The following CD38 variants were observed in gnomAD, a reference collection of about 807,000 sequenced individuals.
The protein encoded by CD38 is CD38 molecule, also known as ADP-ribosyl cyclase/cyclic ADP-ribose hydrolase 1.
In CD38, 31 loss-of-function variants were observed where a neutral mutation model predicts 36.3. That is an observed-to-expected ratio of 0.85 (90% CI 0.64 to 1.15). The LOEUF (loss-of-function observed/expected upper bound fraction) is 1.15. CD38 is among the 50% of genes most tolerant of loss of function. The probability of loss-of-function intolerance (pLI) is 0.00; values close to 1 mark genes in which losing one functional copy is unlikely to be tolerated. For missense variants in CD38, 380 were observed against 371.9 expected, an observed-to-expected ratio of 1.02 and a Z score of -0.18; for synonymous variants, 131 against 135.2, an observed-to-expected ratio of 0.97 and a Z score of 0.22.
chr4:15,791,181 T>C (rs1268584523), intron 1 of CD38, among the ~76,000 whole-genome samples: 4 of 74,780 alleles, frequency 5.3e-5, no homozygotes, highest in East Asian at 3.7e-4. Flanking sequence ...GGTGGGGGGG[T>C]CAGCCCCCCG....
chr4:15,804,970 C>T (rs1383666081), intron 1 of CD38, among the ~76,000 whole-genome samples: 1 of 152,078 alleles, frequency 6.6e-6, no homozygotes, highest in African/African-American at 2.4e-5. Flanking sequence ...ATGGATATGC[C>T]AATTACACAG....
chr4:15,806,851 C>T (rs187224320), intron 1 of CD38, among the ~76,000 whole-genome samples: 6 of 152,124 alleles, frequency 3.9e-5, no homozygotes, highest in Admixed American at 1.3e-4. Flanking sequence ...GCTAACAGAT[C>T]GAGGCTTCTC....
chr4:15,841,182 T>C (rs1410136305), intron 7 of CD38, among the ~76,000 whole-genome samples: 1 of 152,226 alleles, frequency 6.6e-6, no homozygotes, highest in Admixed American at 6.5e-5. Flanking sequence ...TTTTAAGCAG[T>C]TGTGACCAAT....
rs925812235 is a variant in CD38 at position 15,850,373 on chromosome 4, A to C, written c.*1771A>C. The C allele has an allele frequency of 6.6e-6, 1 of 152,232 alleles. No individual in the cohort carries two copies. The highest frequency in any genetic ancestry group is 2.4e-5 in the African/African-American group (1 of 41,470). 9.4% of individuals were successfully genotyped at this position (152,232 alleles called of 1,614,324 possible). On this transcript the variant is annotated 3_prime_UTR_variant, in exon 8 of 8. Coordinates refer to ENST00000226279, the MANE Select transcript of CD38 (RefSeq NM_001775.4). ...TAATAAATTAATTTGAGACTCCTTC[A>C]GGGAATGACCACAATTTATTGAAAA...
At chr4:15,804,950 C>G (rs1016455600) in intron 1 of CD38, among the ~76,000 whole-genome samples, 1 of 152,014 alleles carries the variant, frequency 6.6e-6, no homozygotes, top group Admixed American at 6.6e-5. Flanking sequence ...AATGATAAAC[C>G]TTTGAGATAA....
rs1448599689 is a variant in CD38, at chr4:15,850,344, G to C, written c.*1742G>C. ...AAATAAACCATATGTGTTGAACAAA[G>C]GATTAATAAATTAATTTGAGACTCC... On this transcript the variant is annotated 3_prime_UTR_variant, in exon 8 of 8. Coordinates refer to ENST00000226279, the MANE Select transcript of CD38 (RefSeq NM_001775.4). The C allele has an allele frequency of 6.6e-6, 1 of 152,060 alleles. No individual in the cohort carries two copies. The highest frequency in any genetic ancestry group is 1.5e-5 in the Non-Finnish European group (1 of 68,010). The allele number at this position is 152,060 out of a possible 1,614,324, so 9.4% of individuals were successfully genotyped here. A position where few individuals can be genotyped will look rare whatever the true frequency, so the allele number is the denominator to read the frequency against.
At chr4:15,831,887 C>G (rs867760750) in intron 3 of CD38, among the ~76,000 whole-genome samples, 3 of 152,172 alleles carry the variant, frequency 2.0e-5, no homozygotes, top group Non-Finnish European at 2.9e-5. Context: ...ACCTGTATCT[C>G]TTTTTCTACC....
chr4:15,802,602 G>A (rs548329947), intron 1 of CD38, among the ~76,000 whole-genome samples: 2 of 150,550 alleles, frequency 1.3e-5, no homozygotes, highest in Admixed American at 6.7e-5. Flanking sequence ...TGTCACACAG[G>A]TTGGAGTGCA....
At chr4:15,794,726 T>A (rs1307399707) in intron 1 of CD38, among the ~76,000 whole-genome samples, 1 of 152,140 alleles carries the variant, frequency 6.6e-6, no homozygotes, top group Non-Finnish European at 1.5e-5. Flanking sequence ...GAAATACAAG[T>A]GAAGTAGTGG....
intron 2 of CD38, among the ~76,000 whole-genome samples, chr4:15,822,718 T>C (rs1413999382): frequency 1.3e-5 from 2 of 152,298 alleles, no homozygotes; most frequent in East Asian, 3.9e-4. Context: ...TCCTTCCTCA[T>C]GGATAGGAAG....
At chr4:15,785,947 A>C (rs531230685) in intron 1 of CD38, among the ~76,000 whole-genome samples, 1 of 152,248 alleles carries the variant, frequency 6.6e-6, no homozygotes, top group African/African-American at 2.4e-5. Flanking sequence ...TTCAGGAGTG[A>C]AGCTGCAGAC....
chr4:15,815,050 C>G (rs1443304275), intron 1 of CD38, among the ~76,000 whole-genome samples: 2 of 152,138 alleles, frequency 1.3e-5, no homozygotes, highest in Non-Finnish European at 2.9e-5. Context: ...CATGATCTGC[C>G]TGCCTCAGCC....
chr4:15,824,078 A>G (rs1226071238), intron 2 of CD38, among the ~76,000 whole-genome samples: 2 of 152,152 alleles, frequency 1.3e-5, no homozygotes, highest in Non-Finnish European at 2.9e-5. Context: ...GTTCTCACTT[A>G]TAAGTGGGAG....
intron 1 of CD38, among the ~76,000 whole-genome samples, chr4:15,794,219 G>A (rs1426481112): frequency 6.6e-6 from 1 of 152,234 alleles, no homozygotes; most frequent in African/African-American, 2.4e-5. Context: ...ACTTGCCTAA[G>A]CAAGTGGATG....
At chr4:15,826,497 A>T (rs557802978) in intron 3 of CD38, among the ~76,000 whole-genome samples, 1 of 149,444 alleles carries the variant, frequency 6.7e-6, no homozygotes, top group African/African-American at 2.5e-5. Context: ...ACACACACAC[A>T]CCTGCATACT....
At chr4:15,819,993 A>T (rs539401254) in intron 2 of CD38, among the ~76,000 whole-genome samples, 55 of 152,190 alleles carry the variant, frequency 3.6e-4, no homozygotes, top group Admixed American at 9.2e-4. Flanking sequence ...CTAACAGCAG[A>T]CCTCTCAGCA....
rs746526073 is a variant in CD38 at position 15,840,050 on chromosome 4, T to C, written c.684T>C (p.His228=). The C allele has an allele frequency of 2.5e-6, 4 of 1,613,662 alleles. No homozygotes were observed. In the African/African-American group the frequency reaches 5.3e-5, roughly 22 times the overall value. The change falls in exon 6 of 8, where the codon CAT becomes CAC. Residue 228 remains histidine (H), a synonymous_variant. Transcript: ENST00000226279. ...KNSTFGSVEV[H]NLQPEKVQTL... is the part of the protein sequence containing the mutation. ...GCACTTTTGGGAGTGTGGAAGTCCA[T>C]AATTTGCAACCAGAGAAGGTTCAGA...
At chr4:15,819,637 G>T (rs1483194779) in intron 2 of CD38, among the ~76,000 whole-genome samples, 2 of 152,054 alleles carry the variant, frequency 1.3e-5, no homozygotes, top group African/African-American at 4.8e-5. Flanking sequence ...CCAAACAGAA[G>T]AAAGGATATC....
intron 1 of CD38, among the ~76,000 whole-genome samples, chr4:15,811,547 A>AGCCT (rs1723470602): frequency 6.6e-6 from 1 of 151,858 alleles, no homozygotes. Flanking sequence ...TTCCCATTGA[A>AGCCT]TGGCCTTGGC....
Sources: allele counts gnomAD v4.1 joint callset (sites outside exome capture counted in the v4.1 genomes callset), GRCh38; gene constraint gnomAD v4.1.1; transcripts MANE v1.5; gene names NCBI Gene and HGNC (gene_info 2026-07-23, HGNC 2026-07-21).